Variants in SAMD5 observed in about 807,000 individuals in gnomAD.
SAMD5 encodes sterile alpha motif domain containing 5, also known as sterile alpha motif domain-containing protein 5.
Under a neutral mutation model 11.3 loss-of-function variants are expected in SAMD5, and 13 were observed. The observed-to-expected ratio is 1.15, with a 90% confidence interval of 0.75 to 1.83. The LOEUF (loss-of-function observed/expected upper bound fraction) is 1.83, where lower values mean the gene tolerates loss of function less well. Among genes scored for constraint, SAMD5 ranks in the 40% most tolerant of loss-of-function variants. The pLI, the probability that SAMD5 is intolerant of heterozygous loss-of-function variation, is 0.00. For synonymous variants in SAMD5, 129 were observed against 111.3 expected, an observed-to-expected ratio of 1.16 and a Z score of -1.00; for missense variants, 255 against 239.1, an observed-to-expected ratio of 1.07 and a Z score of -0.44.
chr6:147,727,343 A>G (rs533419895), intron 1 of SAMD5, among the ~76,000 whole-genome samples: 6 of 152,114 alleles, frequency 3.9e-5, no homozygotes, highest in African/African-American at 4.8e-5. Context: ...TTATATCCCT[A>G]TATGCTCTAA....
At chr6:147,867,001 C>A in the SAMD5 span, among the ~76,000 whole-genome samples, 5 of 152,060 alleles carry the variant, frequency 3.3e-5, no homozygotes, top group Non-Finnish European at 5.9e-5. Context: ...TTTACATGGA[C>A]AAAATGCTAA....
At chr6:147,544,061 C>A (rs149494736) in intron 1 of SAMD5, among the ~76,000 whole-genome samples, 1 of 152,120 alleles carries the variant, frequency 6.6e-6, no homozygotes, top group Admixed American at 6.5e-5. Flanking sequence ...GGTGGCATAA[C>A]ATTTTTATAA....
chr6:147,572,337 G>A (rs552744499), downstream of SAMD5, among the ~76,000 whole-genome samples: 1 of 152,190 alleles, frequency 6.6e-6, no homozygotes, highest in South Asian at 2.1e-4. Context: ...TTATTATTCA[G>A]ATTTTCTGAC....
the SAMD5 span, among the ~76,000 whole-genome samples, chr6:147,829,607 C>A: frequency 2.7e-5 from 4 of 150,180 alleles, no homozygotes; most frequent in Non-Finnish European, 4.5e-5. Flanking sequence ...ATATTACATG[C>A]ATTTATGTAG....
At chr6:147,837,908 T>A in the SAMD5 span, among the ~76,000 whole-genome samples, 1 of 152,028 alleles carries the variant, frequency 6.6e-6, no homozygotes, top group Non-Finnish European at 1.5e-5. Context: ...CACCTAGCAG[T>A]GAATTAACCA....
At chr6:147,726,045 T>C (rs1791622283) in intron 1 of SAMD5, among the ~76,000 whole-genome samples, 1 of 152,198 alleles carries the variant, frequency 6.6e-6, no homozygotes, top group African/African-American at 2.4e-5. Flanking sequence ...ATTACTTCTT[T>C]TCCTCTGAAT....
At chr6:147,897,016 C>A in the SAMD5 span, among the ~76,000 whole-genome samples, 2 of 151,838 alleles carry the variant, frequency 1.3e-5, no homozygotes, top group East Asian at 3.9e-4. Context: ...GAGGTGGGAT[C>A]GGGGGAAGTG....
the SAMD5 span, among the ~76,000 whole-genome samples, chr6:147,934,459 GGTGT>G: frequency 8.5e-5 from 13 of 152,068 alleles, no homozygotes; most frequent in Admixed American, 2.0e-4. Flanking sequence ...GACTAGGTCA[GGTGT>G]GTGTGTGTCA....
chr6:147,791,396 A>T, the SAMD5 span, among the ~76,000 whole-genome samples: 2 of 152,286 alleles, frequency 1.3e-5, no homozygotes, highest in Admixed American at 6.5e-5. Flanking sequence ...TCAAAAATTT[A>T]GGTTGTTTGT....
the SAMD5 span, among the ~76,000 whole-genome samples, chr6:147,802,747 AAAG>A: frequency 5.3e-5 from 8 of 152,242 alleles, no homozygotes; most frequent in Non-Finnish European, 1.0e-4. Flanking sequence ...CACACAACAC[AAAG>A]AAGAGTCAAA....
At chr6:147,546,973 G>T (rs1253436975) in intron 1 of SAMD5, among the ~76,000 whole-genome samples, 1 of 152,120 alleles carries the variant, frequency 6.6e-6, no homozygotes, top group Non-Finnish European at 1.5e-5. Context: ...CCTCACCTGA[G>T]AATAACACCA....
intron 1 of SAMD5, among the ~76,000 whole-genome samples, chr6:147,514,533 G>C (rs1163906145): frequency 6.6e-6 from 1 of 151,918 alleles, no homozygotes; most frequent in Non-Finnish European, 1.5e-5. Context: ...TCACATATTC[G>C]TGCTGTAGGT....
chr6:147,930,551 C>T, the SAMD5 span, among the ~76,000 whole-genome samples: 1 of 152,084 alleles, frequency 6.6e-6, no homozygotes, highest in Non-Finnish European at 1.5e-5. Context: ...GATAGTCCAT[C>T]TATAAGCTGG....
At chr6:147,513,739 G>T (rs551668276) in intron 1 of SAMD5, among the ~76,000 whole-genome samples, 3 of 152,256 alleles carry the variant, frequency 2.0e-5, no homozygotes, top group Non-Finnish European at 4.4e-5. Flanking sequence ...ACAAGGGTAA[G>T]CAGAGGGTAG....
At chr6:147,921,274 A>AAC in the SAMD5 span, among the ~76,000 whole-genome samples, 8,032 of 140,978 alleles carry the variant, frequency 0.057, 264 homozygotes, top group Admixed American at 0.084. Context: ...GAGAGTATAA[A>AAC]ACACACACAC....
At chr6:147,889,498 T>C in the SAMD5 span, among the ~76,000 whole-genome samples, 3 of 152,240 alleles carry the variant, frequency 2.0e-5, no homozygotes, top group African/African-American at 4.8e-5. Flanking sequence ...AGTTTCCTGC[T>C]TCTTTATATG....
At chr6:147,798,821 A>G in the SAMD5 span, among the ~76,000 whole-genome samples, 2 of 152,146 alleles carry the variant, frequency 1.3e-5, no homozygotes, top group African/African-American at 4.8e-5. Flanking sequence ...ACCATTATGT[A>G]ATGGCCTTCT....
At chr6:147,794,515 A>C in the SAMD5 span, among the ~76,000 whole-genome samples, 1 of 152,226 alleles carries the variant, frequency 6.6e-6, no homozygotes, top group African/African-American at 2.4e-5. Context: ...TACATTAAAC[A>C]TTTGTAATGT....
the SAMD5 span, among the ~76,000 whole-genome samples, chr6:147,838,539 C>CCCA: frequency 1.4e-5 from 2 of 145,434 alleles, no homozygotes; most frequent in South Asian, 4.7e-4. Flanking sequence ...CTGCCCCCCC[C>CCCA]CCGTAGTTAT....
Sources: allele counts gnomAD v4.1 joint callset (sites outside exome capture counted in the v4.1 genomes callset), GRCh38; gene constraint gnomAD v4.1.1; transcripts MANE v1.5; gene names NCBI Gene and HGNC (gene_info 2026-07-23, HGNC 2026-07-21).